MEI4: variants seen among roughly 807,000 people sequenced by gnomAD.
MEI4 encodes the protein meiosis-specific protein MEI4.
In MEI4, 27 loss-of-function variants were observed where a neutral mutation model predicts 31.4. That is an observed-to-expected ratio of 0.86 (90% CI 0.63 to 1.19). The LOEUF is 1.19. Ranked by LOEUF, MEI4 falls within the 50% of genes most tolerant of loss-of-function variation. The pLI is 0.00. For missense variants in MEI4, 329 were observed against 398.9 expected, an observed-to-expected ratio of 0.82 and a Z score of 1.49; for synonymous variants, 122 against 145.4, an observed-to-expected ratio of 0.84 and a Z score of 1.16.
intron 3 of MEI4, among the ~76,000 whole-genome samples, chr6:77,824,235 G>A (rs565202492): frequency 3.0e-4 from 46 of 152,010 alleles, no homozygotes; most frequent in Non-Finnish European, 4.3e-4. Context: ...GATTACAGGC[G>A]CGTGCCACCA....
chr6:77,654,678 A>C (rs544828939), intron 1 of MEI4, among the ~76,000 whole-genome samples: 55 of 151,352 alleles, frequency 3.6e-4, no homozygotes, highest in African/African-American at 1.3e-3. Flanking sequence ...TTTTTCGTTG[A>C]TAATCAAATT....
At chr6:77,917,252 G>C (rs1766581613) in intron 4 of MEI4, among the ~76,000 whole-genome samples, 1 of 151,494 alleles carries the variant, frequency 6.6e-6, no homozygotes, top group Non-Finnish European at 1.5e-5. Context: ...TGTCTTTATA[G>C]CAGCATGATT....
intron 4 of MEI4, among the ~76,000 whole-genome samples, chr6:77,869,464 AC>A (rs1771142233): frequency 6.6e-6 from 1 of 152,148 alleles, no homozygotes; most frequent in Non-Finnish European, 1.5e-5. Flanking sequence ...GGAAATTTGT[AC>A]ACAGAAAGAA....
intron 3 of MEI4, among the ~76,000 whole-genome samples, chr6:77,801,050 T>G (rs1324678436): frequency 6.6e-6 from 1 of 152,200 alleles, no homozygotes; most frequent in Non-Finnish European, 1.5e-5. Flanking sequence ...TTGATTGGAA[T>G]AATTTCAGAA....
chr6:77,906,341 T>G (rs9361310), intron 4 of MEI4, among the ~76,000 whole-genome samples: 2,998 of 152,190 alleles, frequency 0.02, 67 homozygotes, highest in East Asian at 0.087. Context: ...AGATCATGCC[T>G]TATGGGGTGG....
chr6:77,705,239 G>A, intron 2 of MEI4, among the ~76,000 whole-genome samples: 1 of 152,034 alleles, frequency 6.6e-6, no homozygotes, highest in East Asian at 1.9e-4. Context: ...AGACATTTTG[G>A]GTAGGAAATT....
chr6:77,827,536 CT>C (rs976553117), intron 3 of MEI4, among the ~76,000 whole-genome samples: 7 of 152,044 alleles, frequency 4.6e-5, no homozygotes, highest in African/African-American at 1.7e-4. Context: ...CAAATGAGTA[CT>C]TTTGATTGGC....
At chr6:77,771,856 GATAAA>G (rs1768327473) in intron 3 of MEI4, among the ~76,000 whole-genome samples, 3 of 151,922 alleles carry the variant, frequency 2.0e-5, no homozygotes, top group Middle Eastern at 3.2e-3. Flanking sequence ...GAACCTGGGT[GATAAA>G]ATAATCTGTA....
chr6:77,696,279 T>C (rs1464232117), intron 2 of MEI4, among the ~76,000 whole-genome samples: 1 of 152,172 alleles, frequency 6.6e-6, no homozygotes, highest in Non-Finnish European at 1.5e-5. Flanking sequence ...CTGATTGTCC[T>C]GGACAGAACT....
At chr6:77,872,671 C>A (rs1456872515) in intron 4 of MEI4, among the ~76,000 whole-genome samples, 2 of 149,806 alleles carry the variant, frequency 1.3e-5, no homozygotes, top group Non-Finnish European at 3.0e-5. Flanking sequence ...TGCTGGTGTG[C>A]TGCACCCATT....
At chr6:77,773,094 T>C (rs1470645314) in intron 3 of MEI4, among the ~76,000 whole-genome samples, 2 of 151,990 alleles carry the variant, frequency 1.3e-5, no homozygotes, top group Non-Finnish European at 2.9e-5. Flanking sequence ...GAATAATCAA[T>C]ATTGCTAAAA....
intron 4 of MEI4, among the ~76,000 whole-genome samples, chr6:77,862,261 C>T (rs980612199): frequency 2.6e-5 from 4 of 152,102 alleles, no homozygotes; most frequent in African/African-American, 4.8e-5. Context: ...GAGCATGAGC[C>T]GAAGCAGGGC....
intron 2 of MEI4, among the ~76,000 whole-genome samples, chr6:77,699,383 G>A (rs575462922): frequency 6.6e-6 from 1 of 151,250 alleles, no homozygotes; most frequent in African/African-American, 2.4e-5. Flanking sequence ...TAGTAGAGAT[G>A]GGGTTTCACC....
At chr6:77,750,784 A>G (rs1166307704) in intron 2 of MEI4, among the ~76,000 whole-genome samples, 2 of 152,184 alleles carry the variant, frequency 1.3e-5, no homozygotes, top group East Asian at 3.9e-4. Context: ...ACAGACATCT[A>G]CAGGACTCTC....
chr6:77,851,549 C>T (rs1342856020), intron 4 of MEI4, among the ~76,000 whole-genome samples: 5 of 146,984 alleles, frequency 3.4e-5, no homozygotes, highest in Admixed American at 7.1e-5. Context: ...AACCAAACAC[C>T]GCATGTTCTC....
chr6:77,734,480 C>G (rs1021483730), intron 2 of MEI4, among the ~76,000 whole-genome samples: 2 of 151,510 alleles, frequency 1.3e-5, no homozygotes, highest in African/African-American at 2.4e-5. Flanking sequence ...TTTTGTTTTC[C>G]ATTTGCTTGG....
At chr6:77,848,991 C>T (rs1770550574) in intron 4 of MEI4, among the ~76,000 whole-genome samples, 1 of 151,544 alleles carries the variant, frequency 6.6e-6, no homozygotes, top group Non-Finnish European at 1.5e-5. Flanking sequence ...CTGTCCAAAC[C>T]AAAGTAGGTC....
intron 2 of MEI4, among the ~76,000 whole-genome samples, 199 bp downstream of exon 2, chr6:77,691,102 G>T (rs2127652394): frequency 6.6e-6 from 1 of 152,156 alleles, no homozygotes; most frequent in Non-Finnish European, 1.5e-5. Context: ...ACTTTGGAAT[G>T]AAGTTAGAGA....
chr6:77,737,806 G>T (rs1045135096), intron 2 of MEI4, among the ~76,000 whole-genome samples: 2 of 152,172 alleles, frequency 1.3e-5, no homozygotes, highest in African/African-American at 4.8e-5. Flanking sequence ...AAGAAGTCAA[G>T]GTTGACTCTC....
Sources: gnomAD v4.1 joint callset for allele counts (sites outside exome capture counted in the v4.1 genomes callset) on GRCh38, gnomAD v4.1.1 for gene constraint, MANE v1.5 for transcripts, NCBI Gene and HGNC (gene_info 2026-07-23, HGNC 2026-07-21) for gene names.